CDC16: variants seen among roughly 807,000 people sequenced by gnomAD.
The protein encoded by CDC16 is cell division cycle protein 16 homolog.
A neutral mutation model predicts 87.0 loss-of-function variants in CDC16; 34 were observed. The observed-to-expected ratio is 0.39, with a 90% CI of 0.30 to 0.52. The LOEUF (loss-of-function observed/expected upper bound fraction) is 0.52. Among genes scored for constraint, CDC16 ranks in the 20% least tolerant of loss-of-function variants. CDC16 has a pLI of 0.74. For synonymous variants in CDC16, 263 were observed against 260.6 expected, an observed-to-expected ratio of 1.01 and a Z score of -0.09; for missense variants, 653 against 751.9, an observed-to-expected ratio of 0.87 and a Z score of 1.54.
In CDC16 at chr13:114,257,228, A is replaced by G. The variant is rs778783938; in HGVS notation, c.1248A>G (p.Gly416=). ...HEVGVVAFQN[G]EWKTAEKWFL... ...TCGGCGTGGTTGCATTTCAGAATGG[A>G]GAGTAAGTACTGGAAGACCAGAAAC... The change falls in exon 13 of 18, where the codon GGA becomes GGG. Residue 416 remains glycine (G), a splice_region_variant and synonymous_variant. Transcript: ENST00000356221. 7 of 1,607,178 alleles carry G rather than the reference A, an allele frequency of 4.4e-6. No individual in the cohort carries two copies. Among genetic ancestry groups the G allele is most frequent in the Non-Finnish European group, 3.4e-6 (4 of 1,174,830 alleles).
chr13:114,244,078 TGAACTA>T (rs1347873286), intron 8 of CDC16, 89 bp downstream of exon 8: 9 of 864,374 alleles, frequency 1.0e-5, no homozygotes, highest in Non-Finnish European at 1.6e-5. Context: ...TGAATAATCT[TGAACTA>T]GATGATAATT....
intron 3 of CDC16, among the ~76,000 whole-genome samples, chr13:114,237,515 C>A (rs1412214880): frequency 6.6e-6 from 1 of 152,062 alleles, no homozygotes; most frequent in Non-Finnish European, 1.5e-5. Flanking sequence ...TAGTCTTGAA[C>A]TCCTGGTCTC....
At chr13:114,269,311 CACA>C (rs2083449362) in intron 17 of CDC16, among the ~76,000 whole-genome samples, 1 of 152,150 alleles carries the variant, frequency 6.6e-6, no homozygotes, top group Admixed American at 6.5e-5. Context: ...TTCAGAGTTG[CACA>C]ACATCACTTC....
At position 114,243,338 on chromosome 13, in the gene CDC16, A is replaced by G. The variant is rs747846403; in HGVS notation, c.623A>G (p.Lys208Arg). The G allele has an allele frequency of 6.5e-7, 1 of 1,540,140 alleles. No individual in the cohort carries two copies. The highest frequency in any genetic ancestry group is 1.1e-5 in the South Asian group (1 of 89,242). ...QELLRFLFEN[K>R]LKKYNKPSET... Reference sequence around the variant, plus strand: ...TTGCTGCGTTTTCTATTTGAGAACAAATTGAAAAAAGTAAGTAAAACCAAA... The same window carrying G: ...TTGCTGCGTTTTCTATTTGAGAACAGATTGAAAAAAGTAAGTAAAACCAAA... Residue 208 changes from lysine (K) to arginine (R), a missense_variant, in exon 7 of 18, where the codon AAA becomes AGA. Transcript: ENST00000356221.
Position 114,272,488 on chromosome 13 carries a change from A to C in CDC16, c.*45A>C. On this transcript the variant is annotated 3_prime_UTR_variant, in exon 18 of 18. Coordinates refer to ENST00000356221, the MANE Select transcript of CDC16 (RefSeq NM_001078645.3). ...TCCCACTGTCCCAGTGTAGGTTAGT[A>C]TTCCTTCACATCCTCTCCATGGCTT... The C allele has an allele frequency of 6.5e-7, 1 of 1,538,770 alleles. No individual in the cohort carries two copies. Among genetic ancestry groups the C allele is most frequent in the Non-Finnish European group, 8.9e-7 (1 of 1,122,684 alleles).
chr13:114,238,569 C>T (rs9590406), intron 3 of CDC16, among the ~76,000 whole-genome samples: 33,795 of 149,888 alleles, frequency 0.23, 5,434 homozygotes, highest in African/African-American at 0.45. Context: ...GGAGCTGCTG[C>T]GATCTCCTTG....
intron 5 of CDC16, among the ~76,000 whole-genome samples, chr13:114,240,431 G>A (rs1446161122): frequency 6.6e-6 from 1 of 152,052 alleles, no homozygotes; most frequent in Admixed American, 6.6e-5. Context: ...GGATGGTCTC[G>A]ATCTCCTGAC....
At chr13:114,254,780 A>G (rs569597084) in intron 12 of CDC16, among the ~76,000 whole-genome samples, 14 of 152,304 alleles carry the variant, frequency 9.2e-5, no homozygotes, top group Admixed American at 8.5e-4. Flanking sequence ...AGGGCCGTCT[A>G]AATTTAACCT....
chr13:114,242,407 T>A, intron 6 of CDC16, 127 bp downstream of exon 6: 1 of 809,864 alleles, frequency 1.2e-6, no homozygotes, highest in Non-Finnish European at 2.0e-6. Context: ...CTCACTTTCT[T>A]AATGTCTTCA....
intron 12 of CDC16, among the ~76,000 whole-genome samples, chr13:114,252,994 G>C (rs1021660788): frequency 5.9e-5 from 9 of 152,112 alleles, no homozygotes; most frequent in Admixed American, 1.3e-4. Flanking sequence ...AAAATTAGCT[G>C]GGTTTGATGG....
intron 11 of CDC16, among the ~76,000 whole-genome samples, chr13:114,249,799 G>A (rs1391260606): frequency 1.3e-5 from 2 of 152,162 alleles, no homozygotes; most frequent in East Asian, 3.8e-4. Flanking sequence ...GGAGCTCCTG[G>A]ATTAAGTAAT....
At chr13:114,271,263 A>G (rs2083633126) in intron 17 of CDC16, among the ~76,000 whole-genome samples, 1 of 152,074 alleles carries the variant, frequency 6.6e-6, no homozygotes, top group African/African-American at 2.4e-5. Flanking sequence ...GAAAGTTTGC[A>G]TGTCATTATC....
chr13:114,243,085 G>A (rs917255451), intron 6 of CDC16, among the ~76,000 whole-genome samples, 172 bp from the exon 7 acceptor site: 5 of 152,164 alleles, frequency 3.3e-5, no homozygotes, highest in South Asian at 2.1e-4. Flanking sequence ...GATGATTCCC[G>A]TCTTCAGGCC....
At chr13:114,255,167 C>T (rs2082420772) in intron 12 of CDC16, among the ~76,000 whole-genome samples, 1 of 152,136 alleles carries the variant, frequency 6.6e-6, no homozygotes, top group Admixed American at 6.6e-5. Flanking sequence ...TCTTACTGGG[C>T]AGATGTACTA....
At chr13:114,245,811 C>G in intron 9 of CDC16, 189 bp from the exon 10 acceptor site, 1 of 534,894 alleles carries the variant, frequency 1.9e-6, no homozygotes, top group Non-Finnish European at 3.3e-6. Flanking sequence ...TCTGTTCCCA[C>G]CTTGCCCACA....
At chr13:114,244,300 C>G (rs566238744) in intron 8 of CDC16, among the ~76,000 whole-genome samples, 1 of 152,208 alleles carries the variant, frequency 6.6e-6, no homozygotes, top group Admixed American at 6.5e-5. Flanking sequence ...AATTATGAGA[C>G]TCACACTGTA....
rs957990588 is a variant in CDC16 at position 114,235,016 on chromosome 13, G to C, written c.-69G>C. ...GCAGGCACGGGCACGGGCACGGGGC[G>C]GGGTGCTTAGGGTGCAGGAGGCGCG... On this transcript the variant is annotated 5_prime_UTR_variant, in exon 1 of 18. Transcript: ENST00000356221. 2 of 1,184,130 alleles carry C rather than the reference G, an allele frequency of 1.7e-6. No individual in the cohort carries two copies. The highest frequency in any genetic ancestry group is 1.1e-6 in the Non-Finnish European group (1 of 941,092). The allele number at this position is 1,184,130 out of a possible 1,614,324, so 73.4% of individuals were successfully genotyped here.
rs17338010 is a variant in CDC16 at position 114,246,567 on chromosome 13, C to T, written c.898-364C>T. Reference sequence around the variant, plus strand: ...GACGACAAGAATTTGCACCCTATCCCAGTGTGAAACCAGAGCAAGAGAAAA... The same window carrying T: ...GACGACAAGAATTTGCACCCTATCCTAGTGTGAAACCAGAGCAAGAGAAAA... On this transcript the variant is annotated intron_variant, in intron 10 of 17. Transcript: ENST00000356221. Among the ~76,000 whole-genome samples, 323 of 152,294 alleles carry T rather than the reference C, an allele frequency of 2.1e-3. 3 individuals carry two copies. Among genetic ancestry groups the T allele is most frequent in the African/African-American group, 7.4e-3 (308 of 41,560 alleles).
chr13:114,245,233 G>C (rs2081797378), intron 9 of CDC16, among the ~76,000 whole-genome samples: 1 of 149,262 alleles, frequency 6.7e-6, no homozygotes, highest in Non-Finnish European at 1.5e-5. Flanking sequence ...AGGTTTGTTA[G>C]CTTTAAATTG....
Sources: gnomAD v4.1 joint callset for allele counts (sites outside exome capture counted in the v4.1 genomes callset) on GRCh38, gnomAD v4.1.1 for gene constraint, MANE v1.5 for transcripts, NCBI Gene and HGNC (gene_info 2026-07-23, HGNC 2026-07-21) for gene names.